The following MROH1 variants were observed in gnomAD, a reference collection of about 807,000 sequenced individuals.
The protein encoded by MROH1 is maestro heat-like repeat-containing protein family member 1.
A neutral mutation model predicts 116.5 loss-of-function variants in MROH1; 117 were observed. That is an observed-to-expected ratio of 1.00 (90% CI 0.86 to 1.17). The LOEUF (loss-of-function observed/expected upper bound fraction) is 1.17, where lower values mean the gene tolerates loss of function less well. Ranked by LOEUF, MROH1 falls within the 50% of genes most tolerant of loss-of-function variation. The probability of loss-of-function intolerance (pLI) is 0.00; values close to 1 mark genes in which losing one functional copy is unlikely to be tolerated. For missense variants in MROH1, 1,873 were observed against 1,338.5 expected, an observed-to-expected ratio of 1.40 and a Z score of -6.23; for synonymous variants, 921 against 583.9, an observed-to-expected ratio of 1.58 and a Z score of -8.32.
chr8:144,185,818 C>CGAGGGGACGT (rs1193251065), intron 7 of MROH1, among the ~76,000 whole-genome samples: 2 of 87,750 alleles, frequency 2.3e-5, no homozygotes, highest in Non-Finnish European at 4.2e-5. Context: ...GCAGGGACCT[C>CGAGGGGACGT]GAGGGGACGT....
intron 1 of MROH1, among the ~76,000 whole-genome samples, chr8:144,159,252 G>C (rs970757159): frequency 6.6e-6 from 1 of 152,190 alleles, no homozygotes; most frequent in Admixed American, 6.5e-5. Flanking sequence ...CAGCTCCTGG[G>C]GAGGCTGAGG....
intron 22 of MROH1, 79 bp from the exon 23 acceptor site, chr8:144,242,290 A>T (rs962187358): frequency 3.9e-6 from 3 of 778,772 alleles, no homozygotes; most frequent in Non-Finnish European, 7.2e-6. Flanking sequence ...GGAGGATTTC[A>T]GGAGTTTCTG....
In MROH1 at chr8:144,168,357, T is replaced by C. The variant is rs769063402; in HGVS notation, c.85T>C (p.Cys29Arg). Residue 29 changes from cysteine to arginine, a missense_variant, in exon 4 of 44, where the codon TGC becomes CGC. Transcript: ENST00000326134. The stretch of plus-strand genomic sequence containing the variant: ...GGACCCCCTGGTGCAGGAGCAGGTC[T>C]GCAGTGCCCTGTGCTCCCTCGGGGA... ...DKDPLVQEQVCSALCSLGEAR... is the reference protein window; with the variant it reads ...DKDPLVQEQVRSALCSLGEAR... 6.2e-7 allele frequency: 1 copy of C among 1,611,168 alleles called. No individual in the cohort carries two copies.
chr8:144,229,140 A>G (rs947090174), intron 14 of MROH1, among the ~76,000 whole-genome samples: 1 of 152,154 alleles, frequency 6.6e-6, no homozygotes. Context: ...TGTTTCCACT[A>G]CATTTGCAGT....
At chr8:144,161,553 C>T (rs1283372068) in intron 2 of MROH1, among the ~76,000 whole-genome samples, 1 of 152,216 alleles carries the variant, frequency 6.6e-6, no homozygotes, top group Admixed American at 6.5e-5. Flanking sequence ...TAGGGCTCCG[C>T]CTCATTTCCT....
intron 14 of MROH1, among the ~76,000 whole-genome samples, chr8:144,224,186 GTTA>G (rs1564515531): frequency 6.6e-6 from 1 of 152,126 alleles, no homozygotes; most frequent in African/African-American, 2.4e-5. Flanking sequence ...ATTAGAAAAC[GTTA>G]TTAAGGTTTT....
chr8:144,233,823 G>A (rs1839451060), intron 14 of MROH1, among the ~76,000 whole-genome samples: 2 of 152,188 alleles, frequency 1.3e-5, no homozygotes, highest in South Asian at 4.1e-4. Context: ...AGCAAATTCT[G>A]AAATTGGGAA....
At chr8:144,212,582 T>G (rs1439978787) in intron 12 of MROH1, among the ~76,000 whole-genome samples, 1 of 916 alleles carries the variant, frequency 1.1e-3, no homozygotes, top group Non-Finnish European at 4.7e-3. Flanking sequence ...TTCTGTTACT[T>G]TTTTTTTTTT....
chr8:144,171,862 C>G (rs1822530762), intron 4 of MROH1, among the ~76,000 whole-genome samples: 1 of 152,202 alleles, frequency 6.6e-6, no homozygotes, highest in Admixed American at 6.5e-5. Context: ...CTAACACCCT[C>G]TTGTCCAAGG....
chr8:144,192,767 C>T (rs1828963282), intron 10 of MROH1: 2 of 410,678 alleles, frequency 4.9e-6, no homozygotes, highest in African/African-American at 4.1e-5. Flanking sequence ...GAGGAGAGGC[C>T]CTGGGCTGCA....
intron 14 of MROH1, among the ~76,000 whole-genome samples, chr8:144,236,438 T>G (rs1231345270): frequency 6.6e-6 from 1 of 152,166 alleles, no homozygotes; most frequent in African/African-American, 2.4e-5. Context: ...CTTCTTGTGA[T>G]TAAACATTTA....
At chr8:144,230,802 CTTTTTTTTTT>C (rs1161687289) in intron 14 of MROH1, among the ~76,000 whole-genome samples, 3 of 68,618 alleles carry the variant, frequency 4.4e-5, no homozygotes, top group East Asian at 4.6e-4. Flanking sequence ...AAAAGGTTTT[CTTTTTTTTTT>C]TTTTTTTTTT....
At chr8:144,211,848 G>A (rs187949500) in intron 12 of MROH1, among the ~76,000 whole-genome samples, 2 of 152,274 alleles carry the variant, frequency 1.3e-5, no homozygotes, top group East Asian at 1.9e-4. Context: ...TTGGAAGGAC[G>A]CATTTGATGG....
chr8:144,195,974 A>G lies in MROH1; in HGVS notation c.949-3148A>G, dbSNP rs1301073847. Among the ~76,000 whole-genome samples the G allele has an allele frequency of 5.3e-5, 8 of 152,112 alleles. No homozygotes were observed. In the East Asian group the frequency reaches 1.5e-3, roughly 29 times the overall value. Reference sequence around the variant, plus strand: ...TTTATGTTATAGTTCAGGTTTTGTTATGCATAGAAAACCCTTTCAAATTCA... The same window carrying G: ...TTTATGTTATAGTTCAGGTTTTGTTGTGCATAGAAAACCCTTTCAAATTCA... On this transcript the variant is annotated intron_variant, in intron 10 of 43. Transcript: ENST00000326134.
intron 37 of MROH1, among the ~76,000 whole-genome samples, chr8:144,259,659 T>C (rs1844612244): frequency 6.6e-6 from 1 of 152,228 alleles, no homozygotes. Flanking sequence ...CTTGGTGGTG[T>C]GGTCTTGGCC....
At chr8:144,252,125 A>T (rs1427250919) in intron 33 of MROH1, 1 of 167,100 alleles carries the variant, frequency 6.0e-6, no homozygotes, top group East Asian at 1.9e-4. Context: ...ATGGACATTC[A>T]GATTGTTTTT....
intron 35 of MROH1, among the ~76,000 whole-genome samples, chr8:144,256,381 C>T (rs1843789704): frequency 7.5e-6 from 1 of 133,922 alleles, no homozygotes; most frequent in Non-Finnish European, 1.7e-5. Context: ...ACCAGGGGGA[C>T]AGCCTCACTT....
intron 14 of MROH1, among the ~76,000 whole-genome samples, chr8:144,232,889 C>T (rs1839219827): frequency 6.6e-6 from 1 of 151,606 alleles, no homozygotes; most frequent in African/African-American, 2.4e-5. Flanking sequence ...TATAGTGATG[C>T]AATCATGGCT....
At chr8:144,246,111 CCTTT>C (rs1446920706) in intron 29 of MROH1, among the ~76,000 whole-genome samples, 1 of 128,600 alleles carries the variant, frequency 7.8e-6, no homozygotes, top group Non-Finnish European at 1.6e-5. Flanking sequence ...TCCTTTCTTT[CCTTT>C]CTTTCCTTTC....
Sources: allele counts gnomAD v4.1 joint callset (sites outside exome capture counted in the v4.1 genomes callset), GRCh38; gene constraint gnomAD v4.1.1; transcripts MANE v1.5; gene names NCBI Gene and HGNC (gene_info 2026-07-23, HGNC 2026-07-21).